Variants in RNF43 observed in about 807,000 individuals in gnomAD.
RNF43 encodes the protein ring finger protein 43.
A neutral mutation model predicts 78.4 loss-of-function variants in RNF43; 37 were observed. That is an observed-to-expected ratio of 0.47 (90% CI 0.36 to 0.62). RNF43 has a LOEUF of 0.62. Among genes scored for constraint, RNF43 ranks in the 20% least tolerant of loss-of-function variants. RNF43 has a pLI of 0.00. For missense variants in RNF43, 774 were observed against 1,007.9 expected (o/e 0.77, Z 3.14); for synonymous variants, 347 against 395.0 (o/e 0.88, Z 1.44).
At chr17:58,364,086 C>G (rs773974767) in intron 3 of RNF43, among the ~76,000 whole-genome samples, 4 of 152,204 alleles carry the variant, frequency 2.6e-5, no homozygotes, top group Admixed American at 1.3e-4. Flanking sequence ...GTCCTGCCTG[C>G]AGGGCATCTC....
chr17:58,363,639 G>A lies in RNF43; in HGVS notation c.376-39C>T, dbSNP rs1972890097. ...CAGTAGAGGTTGGGCTGAGGTCAGG[G>A]AAGGACAGAGCCCACCCACAGGCTA... On this transcript the variant is annotated intron_variant, in intron 3 of 9. Transcript: ENST00000407977. 1.9e-6 allele frequency: 3 copies of A among 1,570,892 alleles called. No homozygotes were observed. The South Asian group carries it at 3.4e-5, about 18-fold the overall frequency.
intron 2 of RNF43, among the ~76,000 whole-genome samples, chr17:58,377,768 A>G (rs1219638488): frequency 6.6e-6 from 1 of 150,992 alleles, no homozygotes; most frequent in Admixed American, 6.7e-5. Flanking sequence ...CAGGCCTTGG[A>G]CAGGTAACTT....
rs1260703224 is a variant in RNF43, at chr17:58,354,785, C to G, written c.*158G>C. Reference sequence around the variant, plus strand: ...GAGCAGGAAACGGCACCCTCTCACCCTCCACCATCACCAGTCCTCTTCCAG... The same window carrying G: ...GAGCAGGAAACGGCACCCTCTCACCGTCCACCATCACCAGTCCTCTTCCAG... On this transcript the variant is annotated 3_prime_UTR_variant, in exon 10 of 10. Transcript: ENST00000407977. The G allele has an allele frequency of 1.4e-6, 1 of 703,224 alleles. No homozygotes were observed. Among genetic ancestry groups the G allele is most frequent in the Non-Finnish European group, 2.6e-6 (1 of 391,580 alleles). 43.6% of individuals were successfully genotyped at this position (703,224 alleles called of 1,614,324 possible).
chr17:58,381,055 G>T (rs1481141963), intron 2 of RNF43, among the ~76,000 whole-genome samples: 1 of 152,350 alleles, frequency 6.6e-6, no homozygotes, highest in Admixed American at 6.5e-5. Context: ...CAGATCCTGG[G>T]CAGTAACACA....
rs2143385908 is a variant in RNF43 at position 58,357,544 on chromosome 17, A to G, written c.2232T>C (p.Pro744=). Residue 744 remains proline (P), a synonymous_variant, in exon 9 of 10, where the codon CCT becomes CCC. Coordinates refer to ENST00000407977, the MANE Select transcript of RNF43 (RefSeq NM_017763.6). The surrounding 1 kb of genome is among the most constrained non-coding windows in gnomAD (Gnocchi z 4.5). ...CTGCGGTGTCAGAACTCCATTCAGAAGGCCCCTCCCCAGGTGGATGTGGTT... is the reference window on the plus strand; with the variant it reads ...CTGCGGTGTCAGAACTCCATTCAGAGGGCCCCTCCCCAGGTGGATGTGGTT... ...PLEPHPPGEG[P]SEWSSDTAEG... is the part of the protein sequence containing the mutation. 2 of 1,614,212 alleles carry G rather than the reference A, an allele frequency of 1.2e-6. No homozygotes were observed. The highest frequency in any genetic ancestry group is 1.7e-5 in the Admixed American group (1 of 60,030).
intron 2 of RNF43, among the ~76,000 whole-genome samples, chr17:58,398,033 G>A (rs1427504964): frequency 6.6e-6 from 1 of 152,170 alleles, no homozygotes; most frequent in East Asian, 1.9e-4. Flanking sequence ...GCTAATCAGA[G>A]TGTATATTCA....
At position 58,354,871 on chromosome 17, in the gene RNF43, G is replaced by T; in HGVS notation, c.*72C>A. 1 of 1,336,814 alleles carries T rather than the reference G, an allele frequency of 7.5e-7. No homozygotes were observed. The highest frequency in any genetic ancestry group is 1.1e-6 in the Non-Finnish European group (1 of 927,746). The allele number at this position is 1,336,814 out of a possible 1,614,324, so 82.8% of individuals were successfully genotyped here. ...GCTGTGGTCCTTTCCTTTCCCAGGA[G>T]CAGGACTCTGTGCCAGGTAGGGCCC... On this transcript the variant is annotated 3_prime_UTR_variant, in exon 10 of 10. Transcript: ENST00000407977.
chr17:58,387,591 C>G (rs1165957014), intron 2 of RNF43, among the ~76,000 whole-genome samples: 1 of 151,522 alleles, frequency 6.6e-6, no homozygotes, highest in African/African-American at 2.4e-5. Flanking sequence ...ACCTGGGAGG[C>G]AGAGGTTGCA....
At chr17:58,406,739 C>T (rs927142019) in intron 2 of RNF43, among the ~76,000 whole-genome samples, 5 of 146,640 alleles carry the variant, frequency 3.4e-5, no homozygotes, top group African/African-American at 1.3e-4. Context: ...GGGGAAAAAA[C>T]GAATGGAAAT....
rs765464591 is a variant in RNF43, at chr17:58,357,629, C to A, written c.2147G>T (p.Gly716Val). Residue 716 changes from glycine to valine, a missense_variant, in exon 9 of 10, where the codon GGC (glycine) becomes GTC (valine). Coordinates refer to ENST00000407977, the MANE Select transcript of RNF43 (RefSeq NM_017763.6). This position sits in a 1 kb window ranked among gnomAD's most constrained non-coding sequence, Gnocchi z 4.5. ...TGGCTGTGAATTTGAGTAACAGGGG[C>A]CTGGGGTTTCTGGTAGCAGCCTCTT... ...LDKRLLPETP[G>V]PCYSNSQPVW... The A allele has an allele frequency of 1.2e-6, 2 of 1,613,770 alleles. No homozygotes were observed. The highest frequency in any genetic ancestry group is 3.3e-5 in the Admixed American group (2 of 60,012).
intron 6 of RNF43, 79 bp downstream of exon 6, chr17:58,362,465 C>A (rs1388527331): frequency 8.9e-6 from 9 of 1,011,674 alleles, no homozygotes; most frequent in Non-Finnish European, 1.3e-5. Flanking sequence ...GCCTTCTTCA[C>A]GTACTCCTTC....
intron 8 of RNF43, among the ~76,000 whole-genome samples, chr17:58,359,648 C>T (rs1407020530): frequency 6.6e-6 from 1 of 150,878 alleles, no homozygotes; most frequent in Non-Finnish European, 1.5e-5. Flanking sequence ...ATCTACATGC[C>T]AGGCACGGTG....
At chr17:58,355,154 CAG>C (rs1046779994) in intron 9 of RNF43, among the ~76,000 whole-genome samples, 168 bp from the exon 10 acceptor site, 4 of 152,292 alleles carry the variant, frequency 2.6e-5, no homozygotes, top group Non-Finnish European at 5.9e-5. Flanking sequence ...AGTTGGGACA[CAG>C]GGGAGAGAAA....
In RNF43 at chr17:58,371,041, G is replaced by C. The variant is rs2143516666; in HGVS notation, c.253-8C>G. On this transcript the variant is annotated splice_polypyrimidine_tract_variant and splice_region_variant and intron_variant, in intron 2 of 9. Coordinates refer to ENST00000407977, the MANE Select transcript of RNF43 (RefSeq NM_017763.6). Reference sequence around the variant, plus strand: ...CAGGTACAGCGGGTGGGACTGCAGAGAGAGACAGACTTGGGTTAGGGAGGC... The same window carrying C: ...CAGGTACAGCGGGTGGGACTGCAGACAGAGACAGACTTGGGTTAGGGAGGC... The C allele has an allele frequency of 6.4e-7, 1 of 1,569,614 alleles. No individual in the cohort carries two copies. The highest frequency in any genetic ancestry group is 8.7e-7 in the Non-Finnish European group (1 of 1,153,426).
chr17:58,394,026 A>C (rs988912015), intron 2 of RNF43, among the ~76,000 whole-genome samples: 2 of 152,240 alleles, frequency 1.3e-5, no homozygotes, highest in African/African-American at 4.8e-5. Context: ...ACTGCACTCC[A>C]GCCTGGGCAA....
At chr17:58,363,480 TCCTC>T (rs762377266) in intron 4 of RNF43, 42 bp downstream of exon 4, 4 of 1,612,322 alleles carry the variant, frequency 2.5e-6, no homozygotes, top group Non-Finnish European at 2.5e-6. Flanking sequence ...AGCTTTATCT[TCCTC>T]CATCCAGCCC....
intron 2 of RNF43, among the ~76,000 whole-genome samples, chr17:58,405,355 G>A (rs1449962359): frequency 6.6e-6 from 1 of 152,058 alleles, no homozygotes; most frequent in African/African-American, 2.4e-5. Context: ...GGGATTACAG[G>A]CGTGAGCCAC....
chr17:58,407,343 G>C (rs1366477300), intron 2 of RNF43, among the ~76,000 whole-genome samples: 1 of 152,034 alleles, frequency 6.6e-6, no homozygotes, highest in Non-Finnish European at 1.5e-5. Context: ...GCCCCACAAA[G>C]TGCTGGGATT....
At chr17:58,378,610 C>T (rs1283804550) in intron 2 of RNF43, among the ~76,000 whole-genome samples, 1 of 152,090 alleles carries the variant, frequency 6.6e-6, no homozygotes, top group Non-Finnish European at 1.5e-5. Context: ...TTTTAAGCTA[C>T]AAAAGTAAAT....
Sources: allele counts gnomAD v4.1 joint callset (sites outside exome capture counted in the v4.1 genomes callset), GRCh38; gene constraint gnomAD v4.1.1; non-coding constraint Gnocchi (gnomAD v3.1); transcripts MANE v1.5; gene names NCBI Gene and HGNC (gene_info 2026-07-23, HGNC 2026-07-21).